CUX1: variants seen among roughly 807,000 people sequenced by gnomAD.
The protein encoded by CUX1 is protein CASP.
CUX1 carries 31 observed loss-of-function variants against 158.8 expected under a neutral mutation model. That is an observed-to-expected ratio of 0.20 (90% CI 0.15 to 0.26). CUX1 has a LOEUF of 0.26. Among genes scored for constraint, CUX1 ranks in the 10% least tolerant of loss-of-function variants. The pLI is 1.00. For synonymous variants in CUX1, 879 were observed against 862.1 expected (o/e 1.02, Z -0.34); for missense variants, 1,589 against 2,014.6 (o/e 0.79, Z 4.04).
intron 9 of CUX1, among the ~76,000 whole-genome samples, chr7:102,164,167 A>G (rs191532047): frequency 2.8e-3 from 433 of 152,242 alleles, no homozygotes; most frequent in Non-Finnish European, 5.0e-3. Context: ...TTTTGTGGTG[A>G]AAAAAAGTGG....
chr7:101,840,301 C>A (rs1584722036), intron 1 of CUX1, among the ~76,000 whole-genome samples: 1 of 152,280 alleles, frequency 6.6e-6, no homozygotes, highest in South Asian at 2.1e-4. Context: ...CTGAAGTACT[C>A]AATTACATGG....
At chr7:101,990,488 T>G (rs202164) in intron 2 of CUX1, among the ~76,000 whole-genome samples, 88,500 of 151,966 alleles carry the variant, frequency 0.58, 26,305 homozygotes, top group East Asian at 0.96. Flanking sequence ...GCGATTCTCC[T>G]GCCTCAGCCT....
At position 102,255,201 on chromosome 7, in the gene CUX1, C is replaced by T; in HGVS notation, c.*6159C>T. 1.0e-6 allele frequency: 1 copy of T among 985,502 alleles called. No individual in the cohort carries two copies. The highest frequency in any genetic ancestry group is 1.2e-6 in the Non-Finnish European group (1 of 829,966). The allele number at this position is 985,502 out of a possible 1,614,324, so 61.0% of individuals were successfully genotyped here. A position where few individuals can be genotyped will look rare whatever the true frequency, so the allele number is the denominator to read the frequency against. On this transcript the variant is annotated 3_prime_UTR_variant, in exon 24 of 24. Transcript: ENST00000292535. ...CCCGACTTCCAAAAACTGCCTCCTC[C>T]TGCCCAGGCCTCTCCCACCACCACC...
intron 2 of CUX1, among the ~76,000 whole-genome samples, chr7:101,925,862 G>A (rs532628096): frequency 6.6e-6 from 1 of 152,270 alleles, no homozygotes; most frequent in Non-Finnish European, 1.5e-5. Context: ...GAGTCTAGCA[G>A]GAGATTGAGG....
intron 8 of CUX1, among the ~76,000 whole-genome samples, chr7:102,139,815 C>CT (rs1834263216): frequency 7.5e-6 from 1 of 134,020 alleles, no homozygotes; most frequent in African/African-American, 2.8e-5. Context: ...GCACACCCAG[C>CT]TATTTTTTTT....
chr7:102,120,656 G>A (rs1831938828), intron 8 of CUX1, among the ~76,000 whole-genome samples: 1 of 152,190 alleles, frequency 6.6e-6, no homozygotes, highest in Non-Finnish European at 1.5e-5. Flanking sequence ...AATACAACGT[G>A]CTCTGAAACA....
At chr7:102,273,278 G>C in intron 14 of CUX1, 2 of 1,528,922 alleles carry the variant, frequency 1.3e-6, no homozygotes, top group Non-Finnish European at 1.8e-6. Flanking sequence ...CCTGCTTCCA[G>C]ACCGTGGGTT....
rs1801241623 is a variant in CUX1, at chr7:102,249,428, TGTTTTCAAGGAAGAAAA to T, written c.*387_*403del. ...GGAGCATTAAGCCCAATCTATGTCG[TGTTTTCAAGGAAGAAAA>T]CGGAAATGTGTGGTCGAGCTTTTTT... is the stretch of plus-strand genomic sequence containing the variant. On this transcript the variant is annotated 3_prime_UTR_variant, in exon 24 of 24. Coordinates refer to ENST00000292535, the MANE Select transcript of CUX1 (RefSeq NM_181552.4). 3.0e-6 allele frequency: 3 copies of T among 986,738 alleles called. No individual in the cohort carries two copies. Among genetic ancestry groups the T allele is most frequent in the African/African-American group, 3.5e-5 (2 of 57,286 alleles). The allele number at this position is 986,738 out of a possible 1,614,324, so 61.1% of individuals were successfully genotyped here.
At chr7:101,942,655 G>T (rs1807852673) in intron 2 of CUX1, among the ~76,000 whole-genome samples, 1 of 152,182 alleles carries the variant, frequency 6.6e-6, no homozygotes, top group Non-Finnish European at 1.5e-5. Flanking sequence ...TAGAGACAGG[G>T]TTTCCCTGTG....
intron 1 of CUX1, among the ~76,000 whole-genome samples, chr7:101,853,098 C>A (rs78657756): frequency 0.083 from 12,603 of 152,218 alleles, 976 homozygotes; most frequent in East Asian, 0.44. Context: ...AACCCTCCAC[C>A]CAACCCTAAG....
intron 3 of CUX1, among the ~76,000 whole-genome samples, chr7:102,051,940 G>A (rs184771090): frequency 4.1e-4 from 63 of 152,058 alleles, no homozygotes; most frequent in Non-Finnish European, 6.9e-4. Flanking sequence ...GGCCGGGCGC[G>A]GTGGCTCACA....
intron 15 of CUX1, 122 bp from the exon 16 acceptor site, chr7:102,198,680 A>G (rs1276889850): frequency 8.7e-6 from 7 of 808,928 alleles, no homozygotes; most frequent in Non-Finnish European, 8.2e-6. Flanking sequence ...CCCGAGTTGC[A>G]CAGGCAGCCC....
intron 15 of CUX1, among the ~76,000 whole-genome samples, chr7:102,197,859 A>G (rs571291226): frequency 6.6e-6 from 1 of 152,334 alleles, no homozygotes; most frequent in South Asian, 2.1e-4. Flanking sequence ...CATTATGAGT[A>G]AAACAGGCCT....
intron 9 of CUX1, among the ~76,000 whole-genome samples, chr7:102,160,180 A>G (rs1483814978): frequency 6.7e-6 from 1 of 148,636 alleles, no homozygotes; most frequent in Non-Finnish European, 1.5e-5. Flanking sequence ...ATCTGTCTAA[A>G]AAAAAAAAAA....
At chr7:101,947,220 C>A (rs1808497603) in intron 2 of CUX1, among the ~76,000 whole-genome samples, 1 of 151,972 alleles carries the variant, frequency 6.6e-6, no homozygotes, top group South Asian at 2.1e-4. Context: ...TGAGTGAGAC[C>A]CTGTCTTGAC....
rs972590430 is a variant in CUX1, at chr7:102,223,977, A to T, written c.3131-3390A>T. On this transcript the variant is annotated intron_variant, in intron 20 of 23. Coordinates refer to ENST00000292535, the MANE Select transcript of CUX1 (RefSeq NM_181552.4). ...AGACTCTGTCTCAAAAAAGAGAAAAAGAAAAGAATGACTTTCTCCCCAACA... is the reference window on the plus strand; with the variant it reads ...AGACTCTGTCTCAAAAAAGAGAAAATGAAAAGAATGACTTTCTCCCCAACA... Among the ~76,000 whole-genome samples the T allele has an allele frequency of 3.9e-5, 6 of 152,192 alleles. No individual in the cohort carries two copies. The East Asian group carries it at 1.2e-3, about 29-fold the overall frequency.
chr7:102,263,255 T>C (rs1296164507), intron 14 of CUX1, among the ~76,000 whole-genome samples: 1 of 148,932 alleles, frequency 6.7e-6, no homozygotes, highest in East Asian at 2.0e-4. Flanking sequence ...TCTCAAGTGA[T>C]CCACCCGCCT....
Position 102,196,668 on chromosome 7 carries a change from A to G in CUX1, c.1257A>G (p.Glu419=). The G allele has an allele frequency of 6.3e-7, 1 of 1,590,074 alleles. No homozygotes were observed. The highest frequency in any genetic ancestry group is 8.6e-7 in the Non-Finnish European group (1 of 1,166,910). Residue 419 remains glutamate, a synonymous_variant, in exon 15 of 24, where the codon GAA becomes GAG. Transcript: ENST00000292535. ...SARRKGKDQP[E]SRRPGSLPAP... is the part of the protein sequence containing the mutation. The stretch of plus-strand genomic sequence containing the variant: ...GGAGGAAAGGGAAAGACCAGCCTGA[A>G]AGTCGGCGCCCGGGATCTTTGCCGG...
intron 2 of CUX1, among the ~76,000 whole-genome samples, chr7:101,944,184 T>C (rs1275388841): frequency 6.6e-6 from 1 of 152,044 alleles, no homozygotes; most frequent in African/African-American, 2.4e-5. Flanking sequence ...CGATGGCTCC[T>C]TCCAGAAAGG....
Sources: gnomAD v4.1 joint callset for allele counts (sites outside exome capture counted in the v4.1 genomes callset) on GRCh38, gnomAD v4.1.1 for gene constraint, MANE v1.5 for transcripts, NCBI Gene and HGNC (gene_info 2026-07-23, HGNC 2026-07-21) for gene names.